CRYL1: variants seen among roughly 807,000 people sequenced by gnomAD.
CRYL1 encodes lambda-crystallin homolog.
Under a neutral mutation model 36.6 loss-of-function variants are expected in CRYL1, and 29 were observed. That is an observed-to-expected ratio of 0.79 (90% CI 0.59 to 1.08). The LOEUF is 1.08. Ranked by LOEUF, CRYL1 falls within the 50% of genes least tolerant of loss-of-function variation. The pLI is 0.00. For synonymous variants in CRYL1, 152 were observed against 151.5 expected (o/e 1.00, Z -0.02); for missense variants, 411 against 407.9 (o/e 1.01, Z -0.06).
intron 1 of CRYL1, among the ~76,000 whole-genome samples, chr13:20,516,190 C>CAAAAAAAAAAAAAAAAAAAAAAAAAAAA (rs35780379): frequency 1.4e-5 from 1 of 73,294 alleles, no homozygotes; most frequent in African/African-American, 5.8e-5. Context: ...AACTCCATCT[C>CAAAAAAAAAAAAAAAAAAAAAAAAAAAA]AAAAAAAAAA....
At chr13:20,475,897 C>G (rs1290539653) in intron 3 of CRYL1, among the ~76,000 whole-genome samples, 1 of 152,184 alleles carries the variant, frequency 6.6e-6, no homozygotes, top group Non-Finnish European at 1.5e-5. Flanking sequence ...AAATCACAGG[C>G]AGAGAGCCTG....
intron 1 of CRYL1, among the ~76,000 whole-genome samples, chr13:20,512,919 T>G (rs2033939966): frequency 6.6e-6 from 1 of 152,176 alleles, no homozygotes; most frequent in Non-Finnish European, 1.5e-5. Context: ...ATGTGTTGTA[T>G]ATTTCAGAAC....
At chr13:20,430,398 G>C (rs2032032562) in intron 5 of CRYL1, 2 of 985,138 alleles carry the variant, frequency 2.0e-6, no homozygotes, top group South Asian at 9.4e-5. Flanking sequence ...ACTTTCTCAG[G>C]AGGTATGTCA....
Position 20,483,880 on chromosome 13 carries a change from G to A in CRYL1, c.276+5490C>T, listed in dbSNP as rs145720493. 6.5e-3 allele frequency among the ~76,000 whole-genome samples: 988 copies of A among 152,130 alleles called. 7 individuals are homozygous for A. Among genetic ancestry groups the A allele is most frequent in the African/African-American group, 0.022 (917 of 41,496 alleles). On this transcript the variant is annotated intron_variant, in intron 3 of 7. Transcript: ENST00000298248. ...TCGCCAGGCTGGAGTGCAGTGGCGC[G>A]ATCTTGGCTCACTGCAACCTCCACC...
At chr13:20,470,023 T>C (rs767164314) in intron 3 of CRYL1, among the ~76,000 whole-genome samples, 1 of 152,220 alleles carries the variant, frequency 6.6e-6, no homozygotes, top group Non-Finnish European at 1.5e-5. Flanking sequence ...AAGAAGACTA[T>C]CGACAGTGCG....
chr13:20,458,357 G>A, intron 3 of CRYL1, among the ~76,000 whole-genome samples: 1 of 152,096 alleles, frequency 6.6e-6, no homozygotes, highest in Non-Finnish European at 1.5e-5. Context: ...AACCAAAAGG[G>A]CAGGTCCCAC....
intron 3 of CRYL1, among the ~76,000 whole-genome samples, chr13:20,478,946 T>C (rs2033220415): frequency 6.6e-6 from 1 of 151,042 alleles, no homozygotes; most frequent in Non-Finnish European, 1.5e-5. Context: ...TGTATTTTAG[T>C]AGAGACGGGG....
At position 20,404,127 on chromosome 13, in the gene CRYL1, A is replaced by T; in HGVS notation, c.*2T>A. 1 of 1,609,276 alleles carries T rather than the reference A, an allele frequency of 6.2e-7. No individual in the cohort carries two copies. Among genetic ancestry groups the T allele is most frequent in the East Asian group, 2.2e-5 (1 of 44,832 alleles). ...AGGAGTGGAAGCTGCATTACAAGAA[A>T]TTCACTGGGGCTGCACTTGACTCTT... On this transcript the variant is annotated 3_prime_UTR_variant, in exon 8 of 8. Coordinates refer to ENST00000298248, the MANE Select transcript of CRYL1 (RefSeq NM_015974.3).
chr13:20,524,249 C>G (rs1380386523), intron 1 of CRYL1, among the ~76,000 whole-genome samples: 3 of 152,102 alleles, frequency 2.0e-5, no homozygotes, highest in East Asian at 1.9e-4. Flanking sequence ...TGTGCGCGTG[C>G]GCGCACGCAT....
intron 1 of CRYL1, among the ~76,000 whole-genome samples, chr13:20,516,166 G>A (rs574610181): frequency 6.9e-6 from 1 of 145,460 alleles, no homozygotes; most frequent in East Asian, 2.0e-4. Flanking sequence ...ACTCCAGCCT[G>A]GGCGAAAGAG....
intron 5 of CRYL1, among the ~76,000 whole-genome samples, chr13:20,420,667 A>G (rs2031778308): frequency 4.5e-5 from 6 of 133,544 alleles, no homozygotes; most frequent in African/African-American, 5.5e-5. Context: ...ACACAGGTGG[A>G]GTTTTTCCCT....
intron 6 of CRYL1, among the ~76,000 whole-genome samples, chr13:20,409,927 T>C (rs1334871309): frequency 6.6e-6 from 1 of 152,116 alleles, no homozygotes; most frequent in Non-Finnish European, 1.5e-5. Flanking sequence ...ACTTTTACAC[T>C]GTTGGTGGGA....
chr13:20,440,033 C>T, intron 3 of CRYL1: 1 of 305,524 alleles, frequency 3.3e-6, no homozygotes, highest in Non-Finnish European at 6.1e-6. Flanking sequence ...AGGTGCCCTC[C>T]CTACACCCAG....
intron 5 of CRYL1, chr13:20,431,731 T>C (rs921019440): frequency 1.7e-6 from 2 of 1,167,142 alleles, no homozygotes; most frequent in South Asian, 1.9e-5. Flanking sequence ...CAAAATATAA[T>C]TTTTTTCCTT....
intron 3 of CRYL1, among the ~76,000 whole-genome samples, chr13:20,445,996 T>A (rs1342670767): frequency 3.3e-5 from 5 of 152,218 alleles, no homozygotes; most frequent in Non-Finnish European, 7.3e-5. Flanking sequence ...GAGACACACA[T>A]AACTATACAC....
rs1329172169 is a variant in CRYL1 at position 20,525,845 on chromosome 13, A to C, written c.-51T>G. ...GGGCGCTGGGACCAGGCGCCGGCGG[A>C]GCTGCGAGCTCTGGGCTCCGGGGAG... On this transcript the variant is annotated 5_prime_UTR_variant, in exon 1 of 8. Coordinates refer to ENST00000298248, the MANE Select transcript of CRYL1 (RefSeq NM_015974.3). The surrounding 1 kb of genome is among the most constrained non-coding windows in gnomAD (Gnocchi z 4.3). The C allele has an allele frequency of 1.7e-6, 2 of 1,202,398 alleles. No homozygotes were observed. The highest frequency in any genetic ancestry group is 2.1e-6 in the Non-Finnish European group (2 of 966,162). 74.5% of individuals were successfully genotyped at this position (1,202,398 alleles called of 1,614,324 possible).
At chr13:20,510,232 A>C (rs2033888503) in intron 2 of CRYL1, among the ~76,000 whole-genome samples, 1 of 152,258 alleles carries the variant, frequency 6.6e-6, no homozygotes, top group South Asian at 2.1e-4. Flanking sequence ...AACTTTACTC[A>C]TAATTGCCAA....
rs562232366 is a variant in CRYL1 at position 20,460,692 on chromosome 13, AT to A, written c.277-20939del. Among the ~76,000 whole-genome samples the A allele has an allele frequency of 1.1e-3, 167 of 151,598 alleles. 1 individual carries two copies. Among genetic ancestry groups the A allele is most frequent in the African/African-American group, 3.9e-3 (160 of 41,306 alleles). ...AGGCGCCCGCCACTACGCCCGGCTA[AT>A]TTTTTGTATTTTTAGTAGAGATGGG... On this transcript the variant is annotated intron_variant, in intron 3 of 7. Coordinates refer to ENST00000298248, the MANE Select transcript of CRYL1 (RefSeq NM_015974.3).
At chr13:20,512,208 T>C (rs895176406) in intron 2 of CRYL1, among the ~76,000 whole-genome samples, 3 of 152,234 alleles carry the variant, frequency 2.0e-5, no homozygotes, top group Admixed American at 6.5e-5. Context: ...TCACGCTTGA[T>C]GCAGATCCTC....
Sources: gnomAD v4.1 joint callset for allele counts (sites outside exome capture counted in the v4.1 genomes callset) on GRCh38, gnomAD v4.1.1 for gene constraint, Gnocchi (gnomAD v3.1) non-coding constraint, MANE v1.5 for transcripts, NCBI Gene and HGNC (gene_info 2026-07-23, HGNC 2026-07-21) for gene names.